Variants in CDK13 observed in about 807,000 individuals in gnomAD.
CDK13 encodes the protein cyclin dependent kinase 13, also known as cyclin-dependent kinase 13.
A neutral mutation model predicts 137.6 loss-of-function variants in CDK13; 40 were observed. The observed-to-expected ratio is 0.29, with a 90% CI of 0.23 to 0.38. The LOEUF is 0.38. Ranked by LOEUF, CDK13 falls within the 10% of genes least tolerant of loss-of-function variation. The pLI, the probability that CDK13 is intolerant of heterozygous loss-of-function variation, is 1.00. For synonymous variants in CDK13, 869 were observed against 760.1 expected, an observed-to-expected ratio of 1.14 and a Z score of -2.36; for missense variants, 1,704 against 1,951.8, an observed-to-expected ratio of 0.87 and a Z score of 2.39.
chr7:40,055,120 T>C (rs1562752083), intron 7 of CDK13, among the ~76,000 whole-genome samples: 1 of 151,616 alleles, frequency 6.6e-6, no homozygotes, highest in East Asian at 1.9e-4. Flanking sequence ...TTATTGAAGT[T>C]ACTAAATTTT....
At chr7:40,055,499 C>A (rs770294947) in intron 7 of CDK13, among the ~76,000 whole-genome samples, 5 of 151,268 alleles carry the variant, frequency 3.3e-5, no homozygotes, top group Non-Finnish European at 5.9e-5. Context: ...TAAACAAGAT[C>A]ATCTCTACGA....
At chr7:39,977,528 G>A (rs1784136090) in intron 1 of CDK13, among the ~76,000 whole-genome samples, 1 of 152,206 alleles carries the variant, frequency 6.6e-6, no homozygotes, top group Non-Finnish European at 1.5e-5. Context: ...CGTAATAAGA[G>A]AGGGCTTTAT....
intron 5 of CDK13, among the ~76,000 whole-genome samples, chr7:40,036,050 G>A (rs915872291): frequency 1.6e-4 from 25 of 152,002 alleles, no homozygotes; most frequent in African/African-American, 5.8e-4. Flanking sequence ...TTTAGTCCCA[G>A]CTGCTGGGGT....
At chr7:39,993,101 G>A (rs189000202) in intron 2 of CDK13, among the ~76,000 whole-genome samples, 236 of 152,214 alleles carry the variant, frequency 1.6e-3, no homozygotes, top group African/African-American at 5.6e-3. Context: ...TCACCTAATG[G>A]TTTAGCAACC....
chr7:40,028,409 G>A (rs1228759147), intron 5 of CDK13, among the ~76,000 whole-genome samples: 1 of 151,824 alleles, frequency 6.6e-6, no homozygotes, highest in Admixed American at 6.6e-5. Flanking sequence ...TAGTAGAGAC[G>A]AGGTTTCACC....
At chr7:40,011,385 T>C (rs1784890715) in intron 5 of CDK13, among the ~76,000 whole-genome samples, 2 of 152,172 alleles carry the variant, frequency 1.3e-5, no homozygotes, top group Admixed American at 6.5e-5. Flanking sequence ...TAAATCAAAA[T>C]CTTCCTACAA....
chr7:40,092,687 AAT>A, intron 12 of CDK13, 96 bp from the exon 13 acceptor site: 1 of 788,070 alleles, frequency 1.3e-6, no homozygotes, highest in Non-Finnish European at 2.1e-6. Flanking sequence ...CTCTCCCTCA[AAT>A]ATATATTTTC....
At chr7:39,961,698 C>A (rs979230099) in intron 1 of CDK13, among the ~76,000 whole-genome samples, 7 of 151,202 alleles carry the variant, frequency 4.6e-5, no homozygotes, top group Non-Finnish European at 1.0e-4. Flanking sequence ...AGGTTAGTTA[C>A]ATATGTATAC....
intron 9 of CDK13, chr7:40,069,336 A>G (rs775300584): frequency 2.2e-6 from 1 of 456,180 alleles, no homozygotes; most frequent in Non-Finnish European, 4.4e-6. Context: ...GTTTCTGATA[A>G]ACAAATCTGA....
rs868532533 is a variant in CDK13 at position 40,074,542 on chromosome 7, A to G, written c.2781-3463A>G. ...CATCTCAAAAAAAAAAAAAAAAAAG[A>G]AAGTAAATATAATGGGCTAAAAACA... On this transcript the variant is annotated intron_variant, in intron 9 of 13. Transcript: ENST00000181839. 6.6e-4 allele frequency among the ~76,000 whole-genome samples: 97 copies of G among 146,382 alleles called. 1 individual carries two copies. The highest frequency in any genetic ancestry group is 3.5e-3 in the Middle Eastern group (1 of 286).
intron 7 of CDK13, among the ~76,000 whole-genome samples, chr7:40,056,702 A>G (rs575021055): frequency 2.0e-5 from 3 of 152,258 alleles, no homozygotes; most frequent in Non-Finnish European, 4.4e-5. Context: ...TAGGATGACT[A>G]TAGCTAGAAC....
intron 5 of CDK13, among the ~76,000 whole-genome samples, chr7:40,044,209 A>G (rs1562745942): frequency 6.6e-6 from 1 of 151,104 alleles, no homozygotes; most frequent in Admixed American, 6.6e-5. Context: ...GTTTTGTATA[A>G]TTCTTGTTAA....
intron 7 of CDK13, among the ~76,000 whole-genome samples, chr7:40,051,424 CAA>C (rs1370125127): frequency 6.6e-6 from 1 of 152,030 alleles, no homozygotes; most frequent in Non-Finnish European, 1.5e-5. Flanking sequence ...TGTATTGTCT[CAA>C]ATTTTCTAGA....
intron 5 of CDK13, among the ~76,000 whole-genome samples, chr7:40,010,613 CAG>C (rs762032433): frequency 2.0e-5 from 3 of 152,186 alleles, no homozygotes; most frequent in Non-Finnish European, 4.4e-5. Context: ...AACTGGGAGA[CAG>C]AGGTTGTAGT....
At chr7:40,040,831 A>T (rs1196179384) in intron 5 of CDK13, among the ~76,000 whole-genome samples, 1 of 151,976 alleles carries the variant, frequency 6.6e-6, no homozygotes, top group Non-Finnish European at 1.5e-5. Flanking sequence ...AACTGTAATA[A>T]TTTTTTTGTT....
chr7:39,951,036 G>C lies in CDK13; in HGVS notation c.395G>C (p.Gly132Ala), dbSNP rs2116053196. 1 of 1,294,118 alleles carries C rather than the reference G, an allele frequency of 7.7e-7. No individual in the cohort carries two copies. Among genetic ancestry groups the C allele is most frequent in the Middle Eastern group, 2.0e-4 (1 of 4,984 alleles). The allele number at this position is 1,294,118 out of a possible 1,614,324, so 80.2% of individuals were successfully genotyped here. A position where few individuals can be genotyped will look rare whatever the true frequency, so the allele number is the denominator to read the frequency against. ...CCCCAGCCGCAGCAGGACGGCGGTG[G>C]CGGTGCTAGTAGCGGCGGGGGTGTG... ...SLPQPQQDGG[G>A]GASSGGGVTP... Residue 132 changes from glycine (G) to alanine (A), a missense_variant, in exon 1 of 14, where the codon GGC becomes GCC. By Grantham distance (60) the Gly-to-Ala change is moderately conservative. This residue lies in a region of CDK13 where 1,051 missense variants were observed against 931.0 expected (regional missense o/e 1.13). Transcript: ENST00000181839.
chr7:39,999,335 A>G, intron 3 of CDK13, 26 bp from the exon 4 acceptor site: 2 of 1,572,244 alleles, frequency 1.3e-6, no homozygotes, highest in Non-Finnish European at 1.7e-6. Context: ...GATTGTATAT[A>G]AAAACTTTAG....
intron 5 of CDK13, among the ~76,000 whole-genome samples, chr7:40,007,246 A>G (rs1386683126): frequency 2.0e-5 from 3 of 152,244 alleles, no homozygotes; most frequent in Non-Finnish European, 4.4e-5. Context: ...AATCAAGAAG[A>G]CAGTATTCTA....
chr7:40,011,948 A>G (rs542797735), intron 5 of CDK13, among the ~76,000 whole-genome samples: 36 of 152,312 alleles, frequency 2.4e-4, no homozygotes, highest in African/African-American at 8.7e-4. Context: ...AAAAAAGACA[A>G]CGTGATTAAA....
Sources: gnomAD v4.1 joint callset for allele counts (sites outside exome capture counted in the v4.1 genomes callset) on GRCh38, gnomAD v4.1.1 for gene constraint, gnomAD v4.1.1 regional missense constraint, MANE v1.5 for transcripts, NCBI Gene and HGNC (gene_info 2026-07-23, HGNC 2026-07-21) for gene names.